MAML2: variants seen among roughly 807,000 people sequenced by gnomAD.
MAML2 encodes the protein mastermind like transcriptional coactivator 2.
A neutral mutation model predicts 96.1 loss-of-function variants in MAML2; 22 were observed. That is an observed-to-expected ratio of 0.23 (90% CI 0.16 to 0.33). The LOEUF (loss-of-function observed/expected upper bound fraction) is 0.33, where lower values mean the gene tolerates loss of function less well. MAML2 is among the 10% of genes least tolerant of loss of function. The pLI is 1.00. For missense variants in MAML2, 1,367 were observed against 1,392.4 expected (o/e 0.98, Z 0.29); for synonymous variants, 561 against 521.3 (o/e 1.08, Z -1.04).
At chr11:96,129,973 C>A (rs564892949) in intron 1 of MAML2, among the ~76,000 whole-genome samples, 104 of 152,354 alleles carry the variant, frequency 6.8e-4, no homozygotes, top group Non-Finnish European at 1.3e-3. Context: ...TGGAAAGTTA[C>A]CATCTTGCAG....
At chr11:96,247,859 C>A (rs898829844) in intron 1 of MAML2, among the ~76,000 whole-genome samples, 1 of 152,116 alleles carries the variant, frequency 6.6e-6, no homozygotes, top group East Asian at 1.9e-4. Flanking sequence ...AATCAGCACA[C>A]CAACAACCTT....
chr11:96,105,398 T>C (rs902934351), intron 1 of MAML2, among the ~76,000 whole-genome samples: 2 of 152,214 alleles, frequency 1.3e-5, no homozygotes, highest in African/African-American at 4.8e-5. Flanking sequence ...ATCTGAATCA[T>C]GTTTGGACAA....
chr11:96,100,017 T>C (rs1859898458), intron 1 of MAML2, among the ~76,000 whole-genome samples: 1 of 152,178 alleles, frequency 6.6e-6, no homozygotes, highest in Non-Finnish European at 1.5e-5. Flanking sequence ...AGAAAATGTA[T>C]TGTCACTCAT....
intron 1 of MAML2, among the ~76,000 whole-genome samples, chr11:96,219,022 A>G (rs981135777): frequency 1.1e-4 from 16 of 152,214 alleles, no homozygotes; most frequent in African/African-American, 3.6e-4. Flanking sequence ...TTTCTTGGGT[A>G]TGTGCAAAAG....
At chr11:96,252,175 A>C (rs1020564836) in intron 1 of MAML2, among the ~76,000 whole-genome samples, 10 of 135,416 alleles carry the variant, frequency 7.4e-5, no homozygotes, top group African/African-American at 1.6e-4. Context: ...CTCTCTCTCT[A>C]CACACACACA....
intron 1 of MAML2, among the ~76,000 whole-genome samples, chr11:96,151,405 G>A (rs1284134668): frequency 2.0e-5 from 3 of 152,192 alleles, no homozygotes; most frequent in Non-Finnish European, 4.4e-5. Context: ...TTGACAGCAA[G>A]TAATCCGAAA....
At chr11:96,082,253 A>G (rs1346131851) in intron 2 of MAML2, among the ~76,000 whole-genome samples, 1 of 152,194 alleles carries the variant, frequency 6.6e-6, no homozygotes, top group Non-Finnish European at 1.5e-5. Flanking sequence ...GGAAAAAGCA[A>G]TGTCATGGTC....
At chr11:96,191,645 G>A (rs538235316) in intron 1 of MAML2, among the ~76,000 whole-genome samples, 9 of 151,236 alleles carry the variant, frequency 6.0e-5, no homozygotes, top group Non-Finnish European at 8.8e-5. Context: ...GGTGGCGGGC[G>A]CCGGTAGTCT....
chr11:96,333,068 G>C (rs1361902403), intron 1 of MAML2, among the ~76,000 whole-genome samples: 3 of 152,182 alleles, frequency 2.0e-5, no homozygotes, highest in African/African-American at 7.2e-5. Flanking sequence ...AAAGAACTCT[G>C]TTGTACAATG....
intron 2 of MAML2, among the ~76,000 whole-genome samples, chr11:96,042,476 G>C (rs900820396): frequency 3.3e-5 from 5 of 152,082 alleles, no homozygotes; most frequent in African/African-American, 1.2e-4. Flanking sequence ...CTTCCCCACT[G>C]AGGTCAGAGC....
intron 1 of MAML2, among the ~76,000 whole-genome samples, chr11:96,103,153 G>C (rs1859962371): frequency 6.6e-6 from 1 of 152,040 alleles, no homozygotes; most frequent in Non-Finnish European, 1.5e-5. Context: ...TATTGTTCTT[G>C]GTAATTGATT....
intron 1 of MAML2, among the ~76,000 whole-genome samples, chr11:96,282,054 C>G (rs1315890093): frequency 6.6e-6 from 1 of 151,878 alleles, no homozygotes; most frequent in Non-Finnish European, 1.5e-5. Flanking sequence ...TTGAGACTAT[C>G]CTGGCTAACA....
chr11:96,334,672 C>G (rs1434631459), intron 1 of MAML2, among the ~76,000 whole-genome samples: 1 of 152,214 alleles, frequency 6.6e-6, no homozygotes, highest in Non-Finnish European at 1.5e-5. Flanking sequence ...TGGCACAGTT[C>G]ATGGCACAGA....
chr11:96,150,670 C>T (rs1860905001), intron 1 of MAML2, among the ~76,000 whole-genome samples: 1 of 152,126 alleles, frequency 6.6e-6, no homozygotes, highest in African/African-American at 2.4e-5. Flanking sequence ...CCCATTCCCC[C>T]TCACCCTACA....
rs945167348 is a variant in MAML2 at position 95,977,108 on chromosome 11, T to C, written c.*1840A>G. 2 of 197,388 alleles carry C rather than the reference T, an allele frequency of 1.0e-5. No individual in the cohort carries two copies. Among genetic ancestry groups the C allele is most frequent in the Non-Finnish European group, 1.0e-5 (1 of 95,262 alleles). The allele number at this position is 197,388 out of a possible 1,614,324, so 12.2% of individuals were successfully genotyped here. A position where few individuals can be genotyped will look rare whatever the true frequency, so the allele number is the denominator to read the frequency against. Reference sequence around the variant, plus strand: ...TCAAAAGTTCCCACTCAACCACCTATGGTTTAAGTGTAGAGCTAAAAATAA... The same window carrying C: ...TCAAAAGTTCCCACTCAACCACCTACGGTTTAAGTGTAGAGCTAAAAATAA... On this transcript the variant is annotated 3_prime_UTR_variant, in exon 5 of 5. Transcript: ENST00000524717.
In MAML2 at chr11:96,092,983, T is replaced by C; in HGVS notation, c.1048A>G (p.Arg350Gly). 1 of 1,613,920 alleles carries C rather than the reference T, an allele frequency of 6.2e-7. No individual in the cohort carries two copies. The highest frequency in any genetic ancestry group is 2.2e-5 in the East Asian group (1 of 44,876). ...FNIDLGQQSQ[R>G]STPRPSLPME... ...GGTAAGGAGGGCCTAGGTGTGCTCC[T>C]CTGGCTTTGCTGACCCAAGTCAATG... Residue 350 changes from arginine (R) to glycine (G), a missense_variant, in exon 2 of 5, where the codon AGG (arginine) becomes GGG (glycine). Transcript: ENST00000524717. This position sits in a 1 kb window ranked among gnomAD's most constrained non-coding sequence, Gnocchi z 4.1.
intron 2 of MAML2, among the ~76,000 whole-genome samples, chr11:96,048,846 T>C (rs1289832373): frequency 1.3e-5 from 2 of 152,260 alleles, no homozygotes; most frequent in Non-Finnish European, 2.9e-5. Context: ...ATTTAGAATT[T>C]TGCTTGCCAA....
In MAML2 at chr11:95,981,376, T is replaced by C. The variant is rs143133933; in HGVS notation, c.2456-1413A>G. ...GGAGGTTAAAGTCATCACGAGGAAA[T>C]ATTTTTGGAGGCAAAGATGATCAGG... On this transcript the variant is annotated intron_variant, in intron 4 of 4. Coordinates refer to ENST00000524717, the MANE Select transcript of MAML2 (RefSeq NM_032427.4). Among the ~76,000 whole-genome samples, 24 of 152,252 alleles carry C rather than the reference T, an allele frequency of 1.6e-4. 1 individual carries two copies. The highest frequency in any genetic ancestry group is 1.2e-3 in the South Asian group (6 of 4,830).
intron 1 of MAML2, among the ~76,000 whole-genome samples, chr11:96,274,921 A>G (rs1256334769): frequency 2.6e-5 from 4 of 152,106 alleles, no homozygotes; most frequent in Non-Finnish European, 1.5e-5. Flanking sequence ...ATATGTGCAT[A>G]TTAGATATGT....
Sources: gnomAD v4.1 joint callset for allele counts (sites outside exome capture counted in the v4.1 genomes callset) on GRCh38, gnomAD v4.1.1 for gene constraint, Gnocchi (gnomAD v3.1) non-coding constraint, MANE v1.5 for transcripts, NCBI Gene and HGNC (gene_info 2026-07-23, HGNC 2026-07-21) for gene names.